Variants in DMD observed in about 807,000 individuals in gnomAD.
The protein encoded by DMD is mutant dystrophin.
A neutral mutation model predicts 330.1 loss-of-function variants in DMD; 63 were observed. That is an observed-to-expected ratio of 0.19 (90% confidence interval 0.16 to 0.24). The LOEUF is 0.24. Among genes scored for constraint, DMD ranks in the 10% least tolerant of loss-of-function variants. The pLI is 1.00. For missense variants in DMD, 3,344 were observed against 2,684.1 expected, an observed-to-expected ratio of 1.25 and a Z score of -5.43; for synonymous variants, 1,223 against 959.8, an observed-to-expected ratio of 1.27 and a Z score of -5.07.
At chrX:31,710,721 T>C (rs2084563377) in intron 52 of DMD, among the ~76,000 whole-genome samples, 1 of 111,542 alleles carries the variant, frequency 9.0e-6, no homozygotes, top group Non-Finnish European at 1.9e-5. Flanking sequence ...TGAGTTTGTG[T>C]AGCATGAATC....
At chrX:33,090,798 G>C (rs897141904) in intron 1 of DMD, among the ~76,000 whole-genome samples, 1 of 110,628 alleles carries the variant, frequency 9.0e-6, no homozygotes. Flanking sequence ...TTGAGAAAAG[G>C]CTATCTATAA....
At chrX:31,351,408 C>G (rs889883456) in intron 60 of DMD, among the ~76,000 whole-genome samples, 1 of 110,637 alleles carries the variant, frequency 9.0e-6, no homozygotes, top group Non-Finnish European at 1.9e-5. Flanking sequence ...AGCTACTGTT[C>G]TTGCTACTAT....
At chrX:32,027,164 G>GCACACACACACACACACA in intron 44 of DMD, among the ~76,000 whole-genome samples, 1 of 89,516 alleles carries the variant, frequency 1.1e-5, no homozygotes, top group Admixed American at 1.3e-4. Flanking sequence ...ACACGCACGT[G>GCACACACACACACACACA]CACACACACA....
At chrX:31,649,581 AT>A (rs768282976) in intron 54 of DMD, among the ~76,000 whole-genome samples, 229 of 102,327 alleles carry the variant, frequency 2.2e-3, no homozygotes, top group Admixed American at 2.2e-3. Context: ...AATGCAGAGA[AT>A]TTTTTTTTTT....
At chrX:31,233,709 C>T (rs1330384007) in intron 63 of DMD, among the ~76,000 whole-genome samples, 1 of 111,928 alleles carries the variant, frequency 8.9e-6, no homozygotes, top group Non-Finnish European at 1.9e-5. Context: ...ACTTAATTTT[C>T]CTAAAGGCTA....
At chrX:31,644,385 C>T (rs985554596) in intron 54 of DMD, among the ~76,000 whole-genome samples, 1 of 111,782 alleles carries the variant, frequency 8.9e-6, no homozygotes, top group African/African-American at 3.3e-5. Flanking sequence ...ATAGCAAATA[C>T]AAGAATTTCT....
chrX:32,322,474 G>A (rs1254176196), intron 41 of DMD, among the ~76,000 whole-genome samples: 6 of 110,866 alleles, frequency 5.4e-5, no homozygotes, highest in Non-Finnish European at 7.6e-5. Flanking sequence ...GAGGCAATAG[G>A]ATCTCCTGAG....
intron 59 of DMD, among the ~76,000 whole-genome samples, chrX:31,462,207 T>C (rs1007453424): frequency 8.9e-6 from 1 of 111,828 alleles, no homozygotes; most frequent in African/African-American, 3.3e-5. Context: ...CGGCTCGGTG[T>C]TGTGGCTTAC....
intron 55 of DMD, among the ~76,000 whole-genome samples, chrX:31,613,316 C>T (rs2078027181): frequency 9.0e-6 from 1 of 111,293 alleles, no homozygotes; most frequent in South Asian, 3.8e-4. Context: ...ATTTCTTGTC[C>T]CTTAGGATAA....
At chrX:32,602,427 A>G (rs184743737) in intron 12 of DMD, among the ~76,000 whole-genome samples, 196 of 112,038 alleles carry the variant, frequency 1.7e-3, no homozygotes, top group Middle Eastern at 4.7e-3. Context: ...TGAAAAAGAA[A>G]AGAAGATTAT....
At chrX:32,348,204 C>T (rs995574288) in intron 38 of DMD, among the ~76,000 whole-genome samples, 10 of 110,890 alleles carry the variant, frequency 9.0e-5, no homozygotes, top group Admixed American at 5.8e-4. Context: ...TATTAGAAAC[C>T]GTAAGTGCTC....
At chrX:33,144,233 T>TG (rs1158156168) in intron 1 of DMD, among the ~76,000 whole-genome samples, 3 of 110,855 alleles carry the variant, frequency 2.7e-5, no homozygotes, top group Non-Finnish European at 5.7e-5. Flanking sequence ...ATTGATCTCA[T>TG]GGAGGTAGAA....
intron 43 of DMD, among the ~76,000 whole-genome samples, chrX:32,282,916 C>T (rs2097425790): frequency 8.9e-6 from 1 of 112,070 alleles, no homozygotes; most frequent in South Asian, 3.7e-4. Context: ...AATTATGGTT[C>T]AGCAAATATT....
chrX:32,412,119 G>T (rs746815319), intron 29 of DMD: 1 of 1,155,804 alleles, frequency 8.7e-7, no homozygotes, highest in African/African-American at 1.8e-5. Flanking sequence ...AAAACTATAG[G>T]ATCAGGGATC....
intron 1 of DMD, among the ~76,000 whole-genome samples, chrX:33,225,487 A>G (rs2052268936): frequency 9.0e-6 from 1 of 111,597 alleles, no homozygotes; most frequent in African/African-American, 3.2e-5. Flanking sequence ...CATGGGTCTT[A>G]GAACAAGTGG....
At chrX:31,770,843 A>G (rs1206318802) in intron 51 of DMD, among the ~76,000 whole-genome samples, 2 of 88,806 alleles carry the variant, frequency 2.3e-5, no homozygotes, top group Non-Finnish European at 4.5e-5. Context: ...AATGACTGGC[A>G]TATCATATGT....
intron 17 of DMD, among the ~76,000 whole-genome samples, chrX:32,538,784 CGACGCATGCT>C (rs200905362): frequency 9.0e-6 from 1 of 110,965 alleles, no homozygotes; most frequent in East Asian, 2.8e-4. Flanking sequence ...CTGGTGACTC[CGACGCATGCT>C]GAAGCATGAG....
At chrX:32,286,811 A>C (rs764621395) in intron 43 of DMD, among the ~76,000 whole-genome samples, 7 of 111,678 alleles carry the variant, frequency 6.3e-5, no homozygotes, top group Non-Finnish European at 1.1e-4. Context: ...GAATGATTTG[A>C]TTTCCTCTGA....
At chrX:31,948,463 T>C (rs2095117474) in intron 45 of DMD, among the ~76,000 whole-genome samples, 1 of 111,507 alleles carries the variant, frequency 9.0e-6, no homozygotes, top group African/African-American at 3.3e-5. Flanking sequence ...CTATAGCAGC[T>C]GCATCATTTT....
Sources: allele counts gnomAD v4.1 joint callset (sites outside exome capture counted in the v4.1 genomes callset), GRCh38; gene constraint gnomAD v4.1.1; transcripts MANE v1.5; gene names NCBI Gene and HGNC (gene_info 2026-07-23, HGNC 2026-07-21).